Variants in SHROOM3 observed in about 807,000 individuals in gnomAD.
SHROOM3 encodes shroom family member 3.
Under a neutral mutation model 138.6 loss-of-function variants are expected in SHROOM3, and 47 were observed. That is an observed-to-expected ratio of 0.34 (90% CI 0.27 to 0.43). The LOEUF (loss-of-function observed/expected upper bound fraction) is 0.43, where lower values mean the gene tolerates loss of function less well. Among genes scored for constraint, SHROOM3 ranks in the 20% least tolerant of loss-of-function variants. The probability of loss-of-function intolerance (pLI) is 1.00; values close to 1 mark genes in which losing one functional copy is unlikely to be tolerated. For synonymous variants in SHROOM3, 1,062 were observed against 1,063.3 expected, an observed-to-expected ratio of 1.00 and a Z score of 0.02; for missense variants, 2,491 against 2,596.5, an observed-to-expected ratio of 0.96 and a Z score of 0.88.
chr4:76,558,490 C>T (rs1733532261), intron 2 of SHROOM3, among the ~76,000 whole-genome samples: 1 of 152,136 alleles, frequency 6.6e-6, no homozygotes, highest in Admixed American at 6.5e-5. Flanking sequence ...TATGCTGGTT[C>T]CCTGGTTATC....
At chr4:76,719,023 G>T (rs1304957434) in intron 3 of SHROOM3, among the ~76,000 whole-genome samples, 1 of 151,940 alleles carries the variant, frequency 6.6e-6, no homozygotes, top group Non-Finnish European at 1.5e-5. Flanking sequence ...GGATAGAGGG[G>T]AGAAGCTCTA....
intron 10 of SHROOM3, among the ~76,000 whole-genome samples, chr4:76,774,307 T>A (rs1722469313): frequency 6.6e-6 from 1 of 152,192 alleles, no homozygotes; most frequent in Non-Finnish European, 1.5e-5. Flanking sequence ...TACAAGTAAG[T>A]TTGCTCACCC....
At chr4:76,607,385 C>A (rs924550274) in intron 2 of SHROOM3, among the ~76,000 whole-genome samples, 1 of 152,212 alleles carries the variant, frequency 6.6e-6, no homozygotes, top group Admixed American at 6.5e-5. Flanking sequence ...ATTGCATCTT[C>A]TCTTAATTAG....
intron 2 of SHROOM3, among the ~76,000 whole-genome samples, chr4:76,691,528 G>A (rs967262506): frequency 3.3e-5 from 5 of 152,264 alleles, no homozygotes; most frequent in African/African-American, 1.2e-4. Flanking sequence ...TTATTCTTAG[G>A]AGTTACCAAT....
chr4:76,768,656 G>A (rs1722243168), intron 9 of SHROOM3, among the ~76,000 whole-genome samples: 1 of 152,038 alleles, frequency 6.6e-6, no homozygotes, highest in Non-Finnish European at 1.5e-5. Flanking sequence ...GATTACAGAC[G>A]CCCACCATCA....
chr4:76,449,906 T>C lies in SHROOM3; in HGVS notation c.168+13686T>C, dbSNP rs28567044. ...CTGTGAATAATAGAGAAACATATGC[T>C]CTATTAAAAAATAGAAGGTGAGGAA... On this transcript the variant is annotated intron_variant, in intron 1 of 10. Coordinates refer to ENST00000296043, the MANE Select transcript of SHROOM3 (RefSeq NM_020859.4). 5.2e-3 allele frequency among the ~76,000 whole-genome samples: 799 copies of C among 152,322 alleles called. 5 individuals are homozygous for C. The highest frequency in any genetic ancestry group is 0.018 in the African/African-American group (765 of 41,558).
intron 8 of SHROOM3, among the ~76,000 whole-genome samples, chr4:76,759,089 G>C (rs1455377655): frequency 6.6e-6 from 1 of 152,208 alleles, no homozygotes; most frequent in Non-Finnish European, 1.5e-5. Flanking sequence ...ACAGTGCATA[G>C]TAGGCACTAG....
chr4:76,468,847 C>T (rs543825006), intron 1 of SHROOM3, among the ~76,000 whole-genome samples: 16 of 151,774 alleles, frequency 1.1e-4, no homozygotes, highest in Admixed American at 5.9e-4. Context: ...CTGGCCAACA[C>T]GGTGAAACCC....
Position 76,630,352 on chromosome 4 carries a change from A to G in SHROOM3, c.323+74589A>G, listed in dbSNP as rs187496901. On this transcript the variant is annotated intron_variant, in intron 2 of 10. Transcript: ENST00000296043. ...TGCAGCTTCATTAGATGGAGCAGGA[A>G]AGGTGATAACAGAGAGGTAAAGTCA... Among the ~76,000 whole-genome samples the G allele has an allele frequency of 1.8e-4, 28 of 152,324 alleles. No individual in the cohort carries two copies. The East Asian group carries it at 5.0e-3, about 27-fold the overall frequency.
At chr4:76,603,862 A>C (rs1296913199) in intron 2 of SHROOM3, among the ~76,000 whole-genome samples, 1 of 77,998 alleles carries the variant, frequency 1.3e-5, no homozygotes. Flanking sequence ...TTTTTTTTTG[A>C]GATGGAGTCT....
rs116845073 is a variant in SHROOM3 at position 76,723,824 on chromosome 4, A to G, written c.456-6980A>G. 4.9e-4 allele frequency among the ~76,000 whole-genome samples: 75 copies of G among 152,326 alleles called. No individual in the cohort carries two copies. The East Asian group carries it at 0.013, about 26-fold the overall frequency. On this transcript the variant is annotated intron_variant, in intron 3 of 10. Coordinates refer to ENST00000296043, the MANE Select transcript of SHROOM3 (RefSeq NM_020859.4). ...GAGAAAATACTCGTCAAGTGCCTAG[A>G]ATGGTGGTTGGCACTCAGTAGGCAC... is the stretch of plus-strand genomic sequence containing the variant.
intron 9 of SHROOM3, among the ~76,000 whole-genome samples, chr4:76,766,193 T>C (rs1295913967): frequency 6.6e-6 from 1 of 152,216 alleles, no homozygotes; most frequent in East Asian, 1.9e-4. Context: ...CAAGTAGTAA[T>C]TGAATAGTAA....
intron 9 of SHROOM3, among the ~76,000 whole-genome samples, chr4:76,769,338 A>G (rs1413024801): frequency 1.4e-5 from 2 of 147,460 alleles, no homozygotes; most frequent in African/African-American, 2.5e-5. Context: ...TTTAGCAGTA[A>G]AAAAAAAAAA....
chr4:76,744,940 G>A (rs760203035), intron 5 of SHROOM3, among the ~76,000 whole-genome samples: 3 of 152,144 alleles, frequency 2.0e-5, no homozygotes, highest in African/African-American at 4.8e-5. Context: ...TGTGACAATC[G>A]ATCCATCTCT....
chr4:76,600,784 C>T (rs1341421495), intron 2 of SHROOM3, among the ~76,000 whole-genome samples: 1 of 152,064 alleles, frequency 6.6e-6, no homozygotes, highest in Non-Finnish European at 1.5e-5. Flanking sequence ...TAACTGAAAA[C>T]AAACGAGTAT....
intron 1 of SHROOM3, among the ~76,000 whole-genome samples, chr4:76,449,858 A>G (rs1016722351): frequency 3.9e-5 from 6 of 152,202 alleles, no homozygotes; most frequent in African/African-American, 1.4e-4. Context: ...CTTTTAGTTA[A>G]AGCATTTTTG....
At chr4:76,530,774 G>A (rs1026089116) in intron 1 of SHROOM3, among the ~76,000 whole-genome samples, 1 of 152,186 alleles carries the variant, frequency 6.6e-6, no homozygotes, top group Non-Finnish European at 1.5e-5. Context: ...GAGAGGACCA[G>A]ATTGACAAGA....
intron 2 of SHROOM3, among the ~76,000 whole-genome samples, chr4:76,566,271 A>G (rs1733724794): frequency 6.6e-6 from 1 of 152,176 alleles, no homozygotes; most frequent in Non-Finnish European, 1.5e-5. Flanking sequence ...GAGATGATTT[A>G]AAGTATACAG....
chr4:76,542,503 C>T (rs1733125122), intron 1 of SHROOM3, among the ~76,000 whole-genome samples: 1 of 152,170 alleles, frequency 6.6e-6, no homozygotes, highest in Non-Finnish European at 1.5e-5. Flanking sequence ...CACAAAGATC[C>T]TCATAAATGA....
Sources: gnomAD v4.1 joint callset for allele counts (sites outside exome capture counted in the v4.1 genomes callset) on GRCh38, gnomAD v4.1.1 for gene constraint, MANE v1.5 for transcripts, NCBI Gene and HGNC (gene_info 2026-07-23, HGNC 2026-07-21) for gene names.